The following OTULIN variants were observed in gnomAD, a reference collection of about 807,000 sequenced individuals.
The protein encoded by OTULIN is OTU deubiquitinase with linear linkage specificity.
In OTULIN, 15 loss-of-function variants were observed where a neutral mutation model predicts 39.6. The ratio of observed to expected loss-of-function variants is 0.38; its 90% CI spans 0.25 to 0.58. The LOEUF (loss-of-function observed/expected upper bound fraction) is 0.58. Ranked by LOEUF, OTULIN falls within the 20% of genes least tolerant of loss-of-function variation. OTULIN has a pLI of 0.66. For synonymous variants in OTULIN, 156 were observed against 170.3 expected (o/e 0.92, Z 0.65); for missense variants, 319 against 445.9 (o/e 0.72, Z 2.56).
chr5:14,666,389 C>T (rs919037085), intron 1 of OTULIN, among the ~76,000 whole-genome samples: 1 of 152,020 alleles, frequency 6.6e-6, no homozygotes, highest in African/African-American at 2.4e-5. Flanking sequence ...ACTATATAGA[C>T]TTAGAGCTGA....
Position 14,673,658 on chromosome 5 carries a change from C to G in OTULIN, c.169C>G (p.Arg57Gly). Residue 57 changes from arginine (R) to glycine (G), a missense_variant, in exon 2 of 7, where the codon CGT becomes GGT. Around this residue, in one of 4 missense-constraint regions of OTULIN, gnomAD observed 132 missense variants for 143.7 expected, o/e 0.92. Coordinates refer to ENST00000284274, the MANE Select transcript of OTULIN (RefSeq NM_138348.6). Reference sequence around the variant, plus strand: ...TAATTTCAGTGAGGAGGACATGTACCGTGCTGCAGATGAAATAGAAAAGGA... The same window carrying G: ...TAATTTCAGTGAGGAGGACATGTACGGTGCTGCAGATGAAATAGAAAAGGA... ...CPAEHEEDMY[R>G]AADEIEKEKE... The G allele has an allele frequency of 6.2e-7, 1 of 1,613,342 alleles. No homozygotes were observed. Among genetic ancestry groups the G allele is most frequent in the Non-Finnish European group, 8.5e-7 (1 of 1,179,666 alleles).
At chr5:14,680,012 T>C (rs1413034538) in intron 3 of OTULIN, among the ~76,000 whole-genome samples, 1 of 152,252 alleles carries the variant, frequency 6.6e-6, no homozygotes, top group Non-Finnish European at 1.5e-5. Flanking sequence ...TCCATTCTAT[T>C]TTAGTCCTTA....
chr5:14,701,305 C>A (rs572777261), downstream of OTULIN, among the ~76,000 whole-genome samples: 106 of 152,356 alleles, frequency 7.0e-4, no homozygotes, highest in African/African-American at 2.5e-3. Flanking sequence ...CTACTGAGCC[C>A]TGTCCACACC....
intron 1 of OTULIN, among the ~76,000 whole-genome samples, 185 bp downstream of exon 1, chr5:14,665,162 C>T (rs1240187109): frequency 2.6e-5 from 4 of 152,340 alleles, no homozygotes; most frequent in African/African-American, 7.2e-5. Flanking sequence ...TTTTTAACCC[C>T]AGGGCCCCTC....
chr5:14,711,254 G>C, the OTULIN span: 2 of 1,614,122 alleles, frequency 1.2e-6, no homozygotes, highest in South Asian at 1.1e-5. Flanking sequence ...TCGGAGGCAT[G>C]TCTGTCATGG....
intron 1 of OTULIN, among the ~76,000 whole-genome samples, chr5:14,669,553 C>T (rs1735931708): frequency 1.3e-5 from 2 of 152,180 alleles, no homozygotes; most frequent in South Asian, 4.1e-4. Context: ...GGGAGGATCT[C>T]TTGAGCCCAG....
rs1736245135 is a variant in OTULIN at position 14,681,361 on chromosome 5, C to T, written c.325-103C>T. On this transcript the variant is annotated intron_variant, in intron 3 of 6. Coordinates refer to ENST00000284274, the MANE Select transcript of OTULIN (RefSeq NM_138348.6). ...GACATAAAACTCCAACTTTGGGCAT[C>T]CTCCCAGTGATCCCAGGCCAAGCTT... 3.6e-6 allele frequency: 5 copies of T among 1,372,810 alleles called. No homozygotes were observed. In the South Asian group the frequency reaches 4.3e-5, roughly 12 times the overall value. The allele number at this position is 1,372,810 out of a possible 1,614,324, so 85.0% of individuals were successfully genotyped here.
At chr5:14,711,056 A>G in the OTULIN span, 1 of 781,144 alleles carries the variant, frequency 1.3e-6, no homozygotes, top group Non-Finnish European at 2.3e-6. Context: ...GAGAATTGAC[A>G]CGAAACCTTT....
chr5:14,678,729 A>G lies in OTULIN; in HGVS notation c.278A>G (p.Lys93Arg). 3.1e-6 allele frequency: 5 copies of G among 1,609,944 alleles called. No individual in the cohort carries two copies. Among genetic ancestry groups the G allele is most frequent in the Non-Finnish European group, 4.2e-6 (5 of 1,178,496 alleles). ...GAAATGGATATCATGGACTACTGCA[A>G]AAAAGAATGGAGAGGAAATACACAG... ...APEMDIMDYC[K>R]KEWRGNTQKA... Residue 93 changes from lysine (K) to arginine (R), a missense_variant, in exon 3 of 7, where the codon AAA (lysine) becomes AGA (arginine). Coordinates refer to ENST00000284274, the MANE Select transcript of OTULIN (RefSeq NM_138348.6).
chr5:14,706,257 C>T, the OTULIN span: 1 of 152,138 alleles, frequency 6.6e-6, no homozygotes, highest in African/African-American at 2.4e-5. Flanking sequence ...CTGACAGCCA[C>T]CTATAAAAGT....
the OTULIN span, chr5:14,711,300 A>C: frequency 6.2e-7 from 1 of 1,613,802 alleles, no homozygotes; most frequent in African/African-American, 1.3e-5. Context: ...CTCATTCTCC[A>C]TCTTCTTTTT....
chr5:14,701,929 C>T (rs1200578452), downstream of OTULIN, among the ~76,000 whole-genome samples: 1 of 152,188 alleles, frequency 6.6e-6, no homozygotes, highest in Non-Finnish European at 1.5e-5. Flanking sequence ...TCCCAGGCTG[C>T]TGAGAATGGG....
chr5:14,711,124 G>A, the OTULIN span: 1 of 1,253,098 alleles, frequency 8.0e-7, no homozygotes, highest in African/African-American at 1.5e-5. Context: ...AAAATACGAT[G>A]GGAGAGGGAA....
At chr5:14,673,943 C>G (rs1425264788) in intron 2 of OTULIN, 1 of 333,084 alleles carries the variant, frequency 3.0e-6, no homozygotes, top group Non-Finnish European at 5.5e-6. Context: ...TCGTTTTTCA[C>G]ACCTATGAGG....
intron 3 of OTULIN, among the ~76,000 whole-genome samples, chr5:14,679,183 C>T (rs1736182833): frequency 6.6e-6 from 1 of 152,106 alleles, no homozygotes; most frequent in Admixed American, 6.5e-5. Context: ...CCCTCTGGTC[C>T]TGGGGCCTAG....
rs1736759069 is a variant in OTULIN, at chr5:14,699,765, C to T, written c.*6717C>T. On this transcript the variant is annotated 3_prime_UTR_variant, in exon 7 of 7. Coordinates refer to ENST00000284274, the MANE Select transcript of OTULIN (RefSeq NM_138348.6). The stretch of plus-strand genomic sequence containing the variant: ...TTGTACAGTATTTTTCTATTGACCG[C>T]TTCCGTCTTGCCTGAAACCTGGGCA... 2 of 152,242 alleles carry T rather than the reference C, an allele frequency of 1.3e-5. No individual in the cohort carries two copies. Among genetic ancestry groups the T allele is most frequent in the African/African-American group, 4.8e-5 (2 of 41,442 alleles). 9.4% of individuals were successfully genotyped at this position (152,242 alleles called of 1,614,324 possible).
rs181650328 is a variant in OTULIN, at chr5:14,674,770, T to C, written c.229+1052T>C. Among the ~76,000 whole-genome samples the C allele has an allele frequency of 5.8e-4, 88 of 151,972 alleles. 1 individual carries two copies. Among genetic ancestry groups the C allele is most frequent in the Admixed American group, 3.5e-3 (53 of 15,240 alleles). On this transcript the variant is annotated intron_variant, in intron 2 of 6. Coordinates refer to ENST00000284274, the MANE Select transcript of OTULIN (RefSeq NM_138348.6). ...CTTGTCTCAAAAAAAAAATAAAAAATAAAAATATAAACCTTATTTCTCAAC... is the reference window on the plus strand; with the variant it reads ...CTTGTCTCAAAAAAAAAATAAAAAACAAAAATATAAACCTTATTTCTCAAC...
At chr5:14,687,456 G>A in intron 4 of OTULIN, 65 bp from the exon 5 acceptor site, 1 of 1,555,778 alleles carries the variant, frequency 6.4e-7, no homozygotes, top group Non-Finnish European at 8.7e-7. Flanking sequence ...CTTACAGCTT[G>A]GATTGTGTGG....
chr5:14,664,786 G>A lies in OTULIN; in HGVS notation c.-40G>A. On this transcript the variant is annotated 5_prime_UTR_variant, in exon 1 of 7. Coordinates refer to ENST00000284274, the MANE Select transcript of OTULIN (RefSeq NM_138348.6). ...ACCCCGACGGGAGGGGCTCCGGATC[G>A]TTCGGAGCCGGCTGAACCCCTTCGG... The A allele has an allele frequency of 8.6e-7, 1 of 1,167,694 alleles. No individual in the cohort carries two copies. The allele number at this position is 1,167,694 out of a possible 1,614,324, so 72.3% of individuals were successfully genotyped here.
Sources: gnomAD v4.1 joint callset for allele counts (sites outside exome capture counted in the v4.1 genomes callset) on GRCh38, gnomAD v4.1.1 for gene constraint, gnomAD v4.1.1 regional missense constraint, MANE v1.5 for transcripts, NCBI Gene and HGNC (gene_info 2026-07-23, HGNC 2026-07-21) for gene names.